ZNF616: variants seen among roughly 807,000 people sequenced by gnomAD.
ZNF616 encodes the protein zinc finger protein 616.
A neutral mutation model predicts 7.6 loss-of-function variants in ZNF616; 5 were observed. That is an observed-to-expected ratio of 0.66 (90% confidence interval 0.34 to 1.38). The LOEUF is 1.38. Ranked by LOEUF, ZNF616 falls within the 40% of genes most tolerant of loss-of-function variation. The pLI is 0.04. For synonymous variants in ZNF616, 319 were observed against 317.2 expected (o/e 1.01, Z -0.06); for missense variants, 913 against 948.3 (o/e 0.96, Z 0.49).
Position 52,137,053 on chromosome 19 carries a change from G to GTGTATATATATATATATATATATA in ZNF616, c.-77+2678_-77+2679insTATATATATATATATATATATACA, listed in dbSNP as rs958896902. ...TGTGTGTATATATATTTATGTATGT[G>GTGTATATATATATATATATATATA]TATATATATATATATATATATACAG... On this transcript the variant is annotated intron_variant, in intron 1 of 3. Transcript: ENST00000600228. Among the ~76,000 whole-genome samples, 292 of 143,574 alleles carry GTGTATATATATATATATATATATA rather than the reference G, an allele frequency of 2.0e-3. 3 individuals are homozygous for GTGTATATATATATATATATATATA. Among genetic ancestry groups the GTGTATATATATATATATATATATA allele is most frequent in the African/African-American group, 7.3e-3 (282 of 38,522 alleles). The allele number at this position is 143,574 out of a possible 152,430, so 94.2% of individuals were successfully genotyped here.
chr19:52,131,039 C>A (rs917849665), intron 1 of ZNF616, among the ~76,000 whole-genome samples: 7 of 152,078 alleles, frequency 4.6e-5, no homozygotes, highest in Admixed American at 4.6e-4. Context: ...GAGGTCGAGG[C>A]GGGTGGATAC....
chr19:52,119,985 T>C (rs1301537797), intron 3 of ZNF616, among the ~76,000 whole-genome samples: 2 of 152,196 alleles, frequency 1.3e-5, no homozygotes, highest in African/African-American at 4.8e-5. Context: ...GAATTTATTT[T>C]GTACACACAC....
chr19:52,115,051 C>A lies in ZNF616; in HGVS notation c.2113G>T (p.Val705Leu). 6.2e-7 allele frequency: 1 copy of A among 1,614,136 alleles called. No individual in the cohort carries two copies. Among genetic ancestry groups the A allele is most frequent in the Non-Finnish European group, 8.5e-7 (1 of 1,180,014 alleles). The change falls in exon 4 of 4, where the codon GTA (valine) becomes TTA (leucine). Residue 705 changes from valine to leucine, a missense_variant. Val to Leu is a conservative substitution (Grantham distance 32). Coordinates refer to ENST00000600228, the MANE Select transcript of ZNF616 (RefSeq NM_178523.5). ...GKVFRHSSHL[V>L]SHQRIHTGEK... Reference sequence around the variant, plus strand: ...CCAGTGTGGATTCTCTGGTGACTTACAAGATGTGAACTATGCCTGAATACC... The same window carrying A: ...CCAGTGTGGATTCTCTGGTGACTTAAAAGATGTGAACTATGCCTGAATACC...
At chr19:52,119,871 G>A (rs1282287542) in intron 3 of ZNF616, among the ~76,000 whole-genome samples, 1 of 151,972 alleles carries the variant, frequency 6.6e-6, no homozygotes, top group African/African-American at 2.4e-5. Flanking sequence ...ATATTTCCAG[G>A]CATATGCTCA....
In ZNF616 at chr19:52,115,214, A is replaced by T; in HGVS notation, c.1950T>A (p.Leu650=). Residue 650 remains leucine (L), a synonymous_variant, in exon 4 of 4, where the codon CTT becomes CTA. Transcript: ENST00000600228. Reference sequence around the variant, plus strand: ...TGTCTCCAGTATGAACAGTCTGATGAAGTCTAAGATGGACACGCTGACTAA... The same window carrying T: ...TGTCTCCAGTATGAACAGTCTGATGTAGTCTAAGATGGACACGCTGACTAA... ...NSFSQRVHLR[L]HQTVHTGDRP... is the part of the protein sequence containing the mutation. 6.2e-7 allele frequency: 1 copy of T among 1,614,168 alleles called. No homozygotes were observed. The highest frequency in any genetic ancestry group is 8.5e-7 in the Non-Finnish European group (1 of 1,180,024).
At chr19:52,120,188 T>C (rs536720387) in intron 3 of ZNF616, among the ~76,000 whole-genome samples, 92 of 152,310 alleles carry the variant, frequency 6.0e-4, no homozygotes, top group Middle Eastern at 3.4e-3. Context: ...ATCAAAAACA[T>C]AACATGGGAG....
rs528717373 is a variant in ZNF616 at position 52,119,380 on chromosome 19, A to G, written c.140-2356T>C. Among the ~76,000 whole-genome samples the G allele has an allele frequency of 3.3e-5, 5 of 150,802 alleles. No individual in the cohort carries two copies. The South Asian group carries it at 6.2e-4, about 19-fold the overall frequency. ...GACAAAGCAAGACTCCATATGAAAA[A>G]AAAAAAGAAAAAAGAAAAAAAGGAA... On this transcript the variant is annotated intron_variant, in intron 3 of 3. Coordinates refer to ENST00000600228, the MANE Select transcript of ZNF616 (RefSeq NM_178523.5).
rs1600120585 is a variant in ZNF616, at chr19:52,115,841, T to C, written c.1323A>G (p.Lys441=). Residue 441 remains lysine, a synonymous_variant, in exon 4 of 4, where the codon AAA becomes AAG. Coordinates refer to ENST00000600228, the MANE Select transcript of ZNF616 (RefSeq NM_178523.5). ...AATGCTTACTGTACACCTTGCCACA[T>C]TTATTGCATTTGTAAGTTTTCTGTC... is the stretch of plus-strand genomic sequence containing the variant. The part of the protein sequence containing the change: ...HTGQKTYKCN[K]CGKVYSKHSH... 4 of 1,608,210 alleles carry C rather than the reference T, an allele frequency of 2.5e-6. No homozygotes were observed. The East Asian group carries it at 6.7e-5, about 27-fold the overall frequency.
intron 1 of ZNF616, among the ~76,000 whole-genome samples, chr19:52,136,209 G>A (rs1485869782): frequency 1.3e-5 from 2 of 150,660 alleles, no homozygotes; most frequent in South Asian, 2.1e-4. Context: ...TGCCAGGCAC[G>A]GTGGCTCACG....
At chr19:52,126,896 A>G (rs1046034268) in intron 2 of ZNF616, among the ~76,000 whole-genome samples, 1 of 152,252 alleles carries the variant, frequency 6.6e-6, no homozygotes, top group African/African-American at 2.4e-5. Context: ...GAATATATCT[A>G]ACATTACTGA....
rs1044026549 is a variant in ZNF616, at chr19:52,113,676, T to C, written c.*1142A>G. On this transcript the variant is annotated 3_prime_UTR_variant, in exon 4 of 4. Transcript: ENST00000600228. ...CCCTCCCTGGGTATATGTGTTCTCA[T>C]TGTTCAGCTTCCACTTTTAAGTGAG... The C allele has an allele frequency of 6.6e-6, 1 of 152,184 alleles. No homozygotes were observed. The highest frequency in any genetic ancestry group is 2.4e-5 in the African/African-American group (1 of 41,452). 9.4% of individuals were successfully genotyped at this position (152,184 alleles called of 1,614,324 possible). A position where few individuals can be genotyped will look rare whatever the true frequency, so the allele number is the denominator to read the frequency against.
At chr19:52,130,077 T>C (rs560833700) in intron 2 of ZNF616, among the ~76,000 whole-genome samples, 242 of 152,274 alleles carry the variant, frequency 1.6e-3, no homozygotes, top group African/African-American at 5.4e-3. Context: ...CTGGCCCCTT[T>C]CGATAATTTA....
intron 1 of ZNF616, 148 bp from the exon 2 acceptor site, chr19:52,130,736 G>C (rs1014782887): frequency 3.2e-6 from 2 of 622,942 alleles, no homozygotes; most frequent in African/African-American, 3.7e-5. Flanking sequence ...CCTACACAAA[G>C]ACCAAGTGAA....
chr19:52,130,754 C>G lies in ZNF616; in HGVS notation c.-76-166G>C, dbSNP rs532349054. ...ACACAAAGACCAAGTGAATCTTTCA[C>G]CGTTTTCTTCAGCATTAGCTCCCCT... On this transcript the variant is annotated intron_variant, in intron 1 of 3. Coordinates refer to ENST00000600228, the MANE Select transcript of ZNF616 (RefSeq NM_178523.5). 2.0e-5 allele frequency among the ~76,000 whole-genome samples: 3 copies of G among 152,352 alleles called. No individual in the cohort carries two copies. The South Asian group carries it at 6.2e-4, about 32-fold the overall frequency.
intron 2 of ZNF616, among the ~76,000 whole-genome samples, chr19:52,124,842 T>C (rs1416037082): frequency 6.6e-6 from 1 of 152,222 alleles, no homozygotes; most frequent in Non-Finnish European, 1.5e-5. Flanking sequence ...GGATGATCCC[T>C]GCTTCCAAGA....
Position 52,123,942 on chromosome 19 carries a change from A to G in ZNF616, c.120T>C (p.Tyr40=), listed in dbSNP as rs559666967. ...ACTCACCTAGGAAGACCAGGTTCCTATAGTTCTCCAACATCACATCCTTGT... is the reference window on the plus strand; with the variant it reads ...ACTCACCTAGGAAGACCAGGTTCCTGTAGTTCTCCAACATCACATCCTTGT... ...ALYKDVMLEN[Y]RNLVFLGISP... Residue 40 remains tyrosine (Y), a synonymous_variant, in exon 3 of 4, where the codon TAT becomes TAC. Transcript: ENST00000600228. 1.9e-6 allele frequency: 3 copies of G among 1,614,068 alleles called. No homozygotes were observed. The highest frequency in any genetic ancestry group is 1.7e-5 in the Admixed American group (1 of 60,004).
At position 52,130,524 on chromosome 19, in the gene ZNF616, T is replaced by C; in HGVS notation, c.-12A>G. 6.2e-7 allele frequency: 1 copy of C among 1,608,906 alleles called. No homozygotes were observed. Among genetic ancestry groups the C allele is most frequent in the Non-Finnish European group, 8.5e-7 (1 of 1,178,178 alleles). On this transcript the variant is annotated 5_prime_UTR_variant, in exon 2 of 4. Transcript: ENST00000600228. ...ACCTGAGTAGCCATCACTGACTCCT[T>C]TTCCTTCCTCTTCTTCCTCTTCTGG...
rs913543192 is a variant in ZNF616, at chr19:52,139,194, G to A, written c.-77+538C>T. Among the ~76,000 whole-genome samples, 2 of 152,122 alleles carry A rather than the reference G, an allele frequency of 1.3e-5. No individual in the cohort carries two copies. Among genetic ancestry groups the A allele is most frequent in the Non-Finnish European group, 2.9e-5 (2 of 68,040 alleles). On this transcript the variant is annotated intron_variant, in intron 1 of 3. Transcript: ENST00000600228. The surrounding 1 kb of genome is among the most constrained non-coding windows in gnomAD (Gnocchi z 4.1). The stretch of plus-strand genomic sequence containing the variant: ...TCTCACCCACACATTCAGGAGGAAA[G>A]GGGAGGAATACGATGCCCACCTCCC...
At chr19:52,124,168 C>T (rs1480695387) in intron 2 of ZNF616, 119 bp from the exon 3 acceptor site, 27 of 1,317,594 alleles carry the variant, frequency 2.0e-5, no homozygotes, top group Non-Finnish European at 2.8e-5. Flanking sequence ...TATATGGCAT[C>T]TGTGAGAAAG....
Sources: gnomAD v4.1 joint callset for allele counts (sites outside exome capture counted in the v4.1 genomes callset) on GRCh38, gnomAD v4.1.1 for gene constraint, Gnocchi (gnomAD v3.1) non-coding constraint, MANE v1.5 for transcripts, NCBI Gene and HGNC (gene_info 2026-07-23, HGNC 2026-07-21) for gene names.